The following DYNC1H1 variants were observed in gnomAD, a reference collection of about 807,000 sequenced individuals.
The protein encoded by DYNC1H1 is dynein cytoplasmic 1 heavy chain 1.
A neutral mutation model predicts 527.1 loss-of-function variants in DYNC1H1; 51 were observed. That is an observed-to-expected ratio of 0.10 (90% CI 0.08 to 0.12). The LOEUF is 0.12. DYNC1H1 is among the 10% of genes least tolerant of loss of function. The pLI is 1.00. For synonymous variants in DYNC1H1, 2,189 were observed against 2,278.8 expected (o/e 0.96, Z 1.12); for missense variants, 2,771 against 5,971.8 (o/e 0.46, Z 17.66).
In DYNC1H1 at chr14:101,994,464, A is replaced by G. The variant is rs973638077; in HGVS notation, c.3156+140A>G. ...GATACTATTTGCTGTTTCAAAGCAG[A>G]GAGTAAATGATAGGATACATCTTTT... On this transcript the variant is annotated intron_variant, in intron 12 of 77. Coordinates refer to ENST00000360184, the MANE Select transcript of DYNC1H1 (RefSeq NM_001376.5). The G allele has an allele frequency of 7.1e-6, 10 of 1,404,006 alleles. No homozygotes were observed. The Admixed American group carries it at 1.9e-4, about 27-fold the overall frequency. 87.0% of individuals were successfully genotyped at this position (1,404,006 alleles called of 1,614,324 possible).
chr14:101,993,545 G>A (rs1223518673), intron 11 of DYNC1H1, among the ~76,000 whole-genome samples: 4 of 152,146 alleles, frequency 2.6e-5, no homozygotes, highest in Non-Finnish European at 4.4e-5. Flanking sequence ...CTGGAGTCTT[G>A]CTGGTCCTCA....
intron 1 of DYNC1H1, among the ~76,000 whole-genome samples, chr14:101,970,185 C>A (rs1346937403): frequency 6.6e-6 from 1 of 152,100 alleles, no homozygotes; most frequent in Non-Finnish European, 1.5e-5. Flanking sequence ...TATGGGGTTT[C>A]ATGCTCTCTT....
rs753894370 is a variant in DYNC1H1, at chr14:102,022,748, C to T, written c.8508-3C>T. ...CTAAATGCACATGCTGCTCTCCCCA[C>T]AGACTCGTAGAGGATGAGGAGAGGC... On this transcript the variant is annotated splice_region_variant and splice_polypyrimidine_tract_variant and intron_variant, in intron 42 of 77. Coordinates refer to ENST00000360184, the MANE Select transcript of DYNC1H1 (RefSeq NM_001376.5). 1.2e-6 allele frequency: 2 copies of T among 1,613,998 alleles called. No homozygotes were observed. Among genetic ancestry groups the T allele is most frequent in the Non-Finnish European group, 8.5e-7 (1 of 1,180,008 alleles).
rs756550022 is a variant in DYNC1H1, at chr14:102,029,635, G to A, written c.9565G>A (p.Glu3189Lys). 51 of 1,614,100 alleles carry A rather than the reference G, an allele frequency of 3.2e-5. No homozygotes were observed. Among genetic ancestry groups the A allele is most frequent in the Non-Finnish European group, 4.0e-5 (47 of 1,180,056 alleles). ...CAATCACTATGCCAACCTGTTCCAC[G>A]AGAAGCGGAGCGAGCTGGAGGAGCA... is the stretch of plus-strand genomic sequence containing the variant. ...FINHYANLFH[E>K]KRSELEEQQM... Residue 3189 changes from glutamate to lysine, a missense_variant, in exon 49 of 78, where the codon GAG (glutamate) becomes AAG (lysine). By Grantham distance (56) the Glu-to-Lys change is moderately conservative. Coordinates refer to ENST00000360184, the MANE Select transcript of DYNC1H1 (RefSeq NM_001376.5). This position sits in a 1 kb window ranked among gnomAD's most constrained non-coding sequence, Gnocchi z 5.3.
At chr14:101,970,422 T>A (rs938157362) in intron 1 of DYNC1H1, among the ~76,000 whole-genome samples, 1 of 150,838 alleles carries the variant, frequency 6.6e-6, no homozygotes, top group South Asian at 2.1e-4. Flanking sequence ...ATAATAGTGA[T>A]TGACCACCAG....
chr14:102,007,431 A>G (rs2048209365), intron 28 of DYNC1H1, among the ~76,000 whole-genome samples: 1 of 152,206 alleles, frequency 6.6e-6, no homozygotes, highest in Admixed American at 6.5e-5. Context: ...ATCTTTAATC[A>G]ACAAAAAGTG....
chr14:101,995,161 A>G lies in DYNC1H1; in HGVS notation c.3445-20A>G. Reference sequence around the variant, plus strand: ...GTGAACCCCAGCTCTGTGATGAAATACTCCCCTCTCTCTGAACAGTCCCGC... The same window carrying G: ...GTGAACCCCAGCTCTGTGATGAAATGCTCCCCTCTCTCTGAACAGTCCCGC... On this transcript the variant is annotated intron_variant, in intron 14 of 77. Transcript: ENST00000360184. 2 of 1,613,902 alleles carry G rather than the reference A, an allele frequency of 1.2e-6. No homozygotes were observed. Among genetic ancestry groups the G allele is most frequent in the Non-Finnish European group, 1.7e-6 (2 of 1,179,986 alleles).
At chr14:101,996,960 T>G (rs1241825888) in intron 15 of DYNC1H1, 75 bp from the exon 16 acceptor site, 1 of 1,550,362 alleles carries the variant, frequency 6.5e-7, no homozygotes, top group African/African-American at 1.4e-5. Flanking sequence ...TGCCTTCTCT[T>G]TCATGGGGCT....
Position 102,042,329 on chromosome 14 carries a change from A to T in DYNC1H1, c.12275+41A>T. The T allele has an allele frequency of 1.2e-6, 2 of 1,614,162 alleles. No homozygotes were observed. The highest frequency in any genetic ancestry group is 1.7e-6 in the Non-Finnish European group (2 of 1,180,026). On this transcript the variant is annotated intron_variant, in intron 67 of 77. Coordinates refer to ENST00000360184, the MANE Select transcript of DYNC1H1 (RefSeq NM_001376.5). This position sits in a 1 kb window ranked among gnomAD's most constrained non-coding sequence, Gnocchi z 5.7. ...TTGGCTGAAGAAAGCCTTAGTCCCCAGGCATTCAGGCAGGCAGCCTGGCAT... is the reference window on the plus strand; with the variant it reads ...TTGGCTGAAGAAAGCCTTAGTCCCCTGGCATTCAGGCAGGCAGCCTGGCAT...
In DYNC1H1 at chr14:101,983,972, C is replaced by T. The variant is rs888668413; in HGVS notation, c.1461+363C>T. Reference sequence around the variant, plus strand: ...GATTATAGACGTGAGACAGCATGCCCAGCCTGTTTTTGTTTGAGACAGTCT... The same window carrying T: ...GATTATAGACGTGAGACAGCATGCCTAGCCTGTTTTTGTTTGAGACAGTCT... On this transcript the variant is annotated intron_variant, in intron 7 of 77. Coordinates refer to ENST00000360184, the MANE Select transcript of DYNC1H1 (RefSeq NM_001376.5). This position sits in a 1 kb window ranked among gnomAD's most constrained non-coding sequence, Gnocchi z 5.3. 6.6e-6 allele frequency among the ~76,000 whole-genome samples: 1 copy of T among 151,996 alleles called. No homozygotes were observed. The highest frequency in any genetic ancestry group is 2.4e-5 in the African/African-American group (1 of 41,378).
In DYNC1H1 at chr14:101,997,310, C is replaced by T. The variant is rs1356694459; in HGVS notation, c.3804+36C>T. ...CCAGGTGGGGACGCAGGAGACTCCTCACCCAGCAGTGTGATTTGGTGACTT... is the reference window on the plus strand; with the variant it reads ...CCAGGTGGGGACGCAGGAGACTCCTTACCCAGCAGTGTGATTTGGTGACTT... On this transcript the variant is annotated intron_variant, in intron 16 of 77. Transcript: ENST00000360184. This position sits in a 1 kb window ranked among gnomAD's most constrained non-coding sequence, Gnocchi z 4.8. 9 of 1,613,720 alleles carry T rather than the reference C, an allele frequency of 5.6e-6. No individual in the cohort carries two copies. The highest frequency in any genetic ancestry group is 7.6e-6 in the Non-Finnish European group (9 of 1,179,948).
Position 101,985,646 on chromosome 14 carries a change from G to T in DYNC1H1, c.1462-41G>T, listed in dbSNP as rs2983422. On this transcript the variant is annotated intron_variant, in intron 7 of 77. Transcript: ENST00000360184. The surrounding 1 kb of genome is among the most constrained non-coding windows in gnomAD (Gnocchi z 5.9). ...GCTTAAAATAAATTTTAAAGCCTTC[G>T]TTTGGTCAGCATTTCTTGATTACAT... is the stretch of plus-strand genomic sequence containing the variant. The T allele has an allele frequency of 6.2e-7, 1 of 1,610,752 alleles. No individual in the cohort carries two copies. The highest frequency in any genetic ancestry group is 1.3e-5 in the African/African-American group (1 of 74,850).
Position 102,041,146 on chromosome 14 carries a change from T to C in DYNC1H1, c.11942-428T>C. The C allele has an allele frequency of 2.9e-6, 1 of 345,160 alleles. No individual in the cohort carries two copies. Among genetic ancestry groups the C allele is most frequent in the Non-Finnish European group, 5.6e-6 (1 of 179,660 alleles). The allele number at this position is 345,160 out of a possible 1,614,324, so 21.4% of individuals were successfully genotyped here. A position where few individuals can be genotyped will look rare whatever the true frequency, so the allele number is the denominator to read the frequency against. ...GGAACTCCTGCCTAATGCTAAGGAGTTAACTGGCTGTATTCATGCTGCAGA... is the reference window on the plus strand; with the variant it reads ...GGAACTCCTGCCTAATGCTAAGGAGCTAACTGGCTGTATTCATGCTGCAGA... On this transcript the variant is annotated intron_variant, in intron 64 of 77. Coordinates refer to ENST00000360184, the MANE Select transcript of DYNC1H1 (RefSeq NM_001376.5). The surrounding 1 kb of genome is among the most constrained non-coding windows in gnomAD (Gnocchi z 4.5).
In DYNC1H1 at chr14:102,052,383, T is replaced by G; in HGVS notation, c.*1820T>G. On this transcript the variant is annotated 3_prime_UTR_variant, in exon 78 of 78. Coordinates refer to ENST00000360184, the MANE Select transcript of DYNC1H1 (RefSeq NM_001376.5). ...CCTGAGCTCAAGTGGTCCTCCCACCTTGGCCTCCCAAAATGCTGGGATTAC... is the reference window on the plus strand; with the variant it reads ...CCTGAGCTCAAGTGGTCCTCCCACCGTGGCCTCCCAAAATGCTGGGATTAC... 6.6e-6 allele frequency: 1 copy of G among 152,500 alleles called. No individual in the cohort carries two copies. Among genetic ancestry groups the G allele is most frequent in the Non-Finnish European group, 1.5e-5 (1 of 68,182 alleles). 9.4% of individuals were successfully genotyped at this position (152,500 alleles called of 1,614,324 possible).
At position 101,995,210 on chromosome 14, in the gene DYNC1H1, A is replaced by T. The variant is rs1215497077; in HGVS notation, c.3474A>T (p.Val1158=). The T allele has an allele frequency of 6.2e-7, 1 of 1,614,220 alleles. No individual in the cohort carries two copies. The highest frequency in any genetic ancestry group is 8.5e-7 in the Non-Finnish European group (1 of 1,180,028). The change falls in exon 15 of 78, where the codon GTA becomes GTT. Residue 1158 remains valine (V), a synonymous_variant. Coordinates refer to ENST00000360184, the MANE Select transcript of DYNC1H1 (RefSeq NM_001376.5). Reference sequence around the variant, plus strand: ...GCCAAGAGTTGGAGCAGCACTCAGTAGACACGGCCAGCACCTCCGATGCAG... The same window carrying T: ...GCCAAGAGTTGGAGCAGCACTCAGTTGACACGGCCAGCACCTCCGATGCAG... The part of the protein sequence containing the change: ...KSRQELEQHS[V]DTASTSDAVT...
At chr14:102,037,022 G>A (rs1014579194) in intron 57 of DYNC1H1, 3 of 330,632 alleles carry the variant, frequency 9.1e-6, no homozygotes, top group Non-Finnish European at 1.8e-5. Context: ...ACTTGAACCC[G>A]GGAGGCGGAG....
At chr14:102,032,778 A>G (rs974535136) in intron 52 of DYNC1H1, 3 of 560,696 alleles carry the variant, frequency 5.4e-6, no homozygotes, top group Non-Finnish European at 9.5e-6. Flanking sequence ...GCCTGAACCC[A>G]GGGGATCAAG....
At position 102,054,450 on chromosome 14, in the gene DYNC1H1, T is replaced by C. The variant is rs2048854840; in HGVS notation, c.*3887T>C. On this transcript the variant is annotated 3_prime_UTR_variant, in exon 78 of 78. Coordinates refer to ENST00000360184, the MANE Select transcript of DYNC1H1 (RefSeq NM_001376.5). The stretch of plus-strand genomic sequence containing the variant: ...CTTGTTTTCAAAGGTGCCCATTGCC[T>C]GTTCTCAAAGCAATGCACCTGAGAA... The C allele has an allele frequency of 6.6e-6, 1 of 151,936 alleles. No homozygotes were observed. Among genetic ancestry groups the C allele is most frequent in the African/African-American group, 2.4e-5 (1 of 41,406 alleles). The allele number at this position is 151,936 out of a possible 1,614,324, so 9.4% of individuals were successfully genotyped here. A position where few individuals can be genotyped will look rare whatever the true frequency, so the allele number is the denominator to read the frequency against.
chr14:102,038,196 C>G lies in DYNC1H1; in HGVS notation c.10909-264C>G, dbSNP rs796962365. 21 of 482,028 alleles carry G rather than the reference C, an allele frequency of 4.4e-5. No individual in the cohort carries two copies. The highest frequency in any genetic ancestry group is 4.1e-4 in the African/African-American group (21 of 51,228). 29.9% of individuals were successfully genotyped at this position (482,028 alleles called of 1,614,324 possible). A position where few individuals can be genotyped will look rare whatever the true frequency, so the allele number is the denominator to read the frequency against. On this transcript the variant is annotated intron_variant, in intron 57 of 77. Transcript: ENST00000360184. This position sits in a 1 kb window ranked among gnomAD's most constrained non-coding sequence, Gnocchi z 7.2. ...GTTTCACCATGTTGGCCAGTCTGGT[C>G]TCGAACTCCTGACCTCAAGTGATCT...
Sources: gnomAD v4.1 joint callset for allele counts (sites outside exome capture counted in the v4.1 genomes callset) on GRCh38, gnomAD v4.1.1 for gene constraint, Gnocchi (gnomAD v3.1) non-coding constraint, MANE v1.5 for transcripts, NCBI Gene and HGNC (gene_info 2026-07-23, HGNC 2026-07-21) for gene names.